SARM1: variants seen among roughly 807,000 people sequenced by gnomAD.
The protein encoded by SARM1 is sterile alpha and TIR motif containing 1.
In SARM1, 60 loss-of-function variants were observed where a neutral mutation model predicts 65.1. The observed-to-expected ratio is 0.92, with a 90% CI of 0.75 to 1.14. The LOEUF is 1.14. Among genes scored for constraint, SARM1 ranks in the 50% most tolerant of loss-of-function variants. The probability of loss-of-function intolerance (pLI) is 0.00; values close to 1 mark genes in which losing one functional copy is unlikely to be tolerated. For synonymous variants in SARM1, 417 were observed against 465.4 expected (o/e 0.90, Z 1.34); for missense variants, 913 against 1,015.7 (o/e 0.90, Z 1.37).
chr17:28,376,403 C>CAAAAAAA (rs58695374), intron 1 of SARM1, among the ~76,000 whole-genome samples: 18 of 84,000 alleles, frequency 2.1e-4, no homozygotes, highest in South Asian at 5.4e-4. Flanking sequence ...ACTAAAAATA[C>CAAAAAAA]AAAAAAAAAA....
chr17:28,388,596 G>A (rs2142434623), intron 7 of SARM1, 57 bp downstream of exon 7: 1 of 1,545,120 alleles, frequency 6.5e-7, no homozygotes, highest in East Asian at 2.2e-5. Context: ...CCAGAAGATA[G>A]GGTCGTCTTC....
At chr17:28,377,321 G>C (rs1175753126) in intron 1 of SARM1, among the ~76,000 whole-genome samples, 1 of 151,252 alleles carries the variant, frequency 6.6e-6, no homozygotes, top group Non-Finnish European at 1.5e-5. Flanking sequence ...CAGGTGAGGT[G>C]GTTCATGCCT....
intron 1 of SARM1, chr17:28,373,289 T>TGAAGACCTCCAAG (rs1466404842): frequency 6.6e-6 from 1 of 152,238 alleles, no homozygotes; most frequent in African/African-American, 2.4e-5. Context: ...TCCTGGAGTA[T>TGAAGACCTCCAAG]GAAGACCTCC....
intron 5 of SARM1, among the ~76,000 whole-genome samples, chr17:28,386,290 C>A (rs565759360): frequency 4.6e-5 from 7 of 152,122 alleles, no homozygotes; most frequent in Non-Finnish European, 8.8e-5. Flanking sequence ...GCCTAGGCAG[C>A]AGGAGTGAGA....
rs2068022977 is a variant in SARM1, at chr17:28,381,391, C to A, written c.659C>A (p.Pro220His). The change falls in exon 2 of 9, where the codon CCC becomes CAC. Residue 220 changes from proline to histidine, a missense_variant. Coordinates refer to ENST00000585482, the MANE Select transcript of SARM1 (RefSeq NM_015077.4). ...CTGTATTGGTGCCGCCGCACGGACC[C>A]CGCGCTGCTGCGCCACTGCGCGCTG... is the stretch of plus-strand genomic sequence containing the variant. ...AVLYWCRRTD[P>H]ALLRHCALAL... 1 of 1,557,164 alleles carries A rather than the reference C, an allele frequency of 6.4e-7. No homozygotes were observed. Among genetic ancestry groups the A allele is most frequent in the South Asian group, 1.2e-5 (1 of 84,540 alleles).
intron 7 of SARM1, among the ~76,000 whole-genome samples, chr17:28,393,452 G>A (rs1323494865): frequency 1.3e-5 from 2 of 152,046 alleles, no homozygotes; most frequent in African/African-American, 4.8e-5. Flanking sequence ...TTGGGAGGCT[G>A]AGGTGGGAGG....
intron 7 of SARM1, 74 bp from the exon 8 acceptor site, chr17:28,395,830 TC>T (rs1321958733): frequency 1.3e-6 from 2 of 1,585,740 alleles, no homozygotes; most frequent in African/African-American, 2.7e-5. Context: ...CCAGTGGGCC[TC>T]CCAGCACCTG....
intron 7 of SARM1, among the ~76,000 whole-genome samples, chr17:28,391,004 G>A (rs1476214658): frequency 6.6e-6 from 1 of 152,132 alleles, no homozygotes; most frequent in Non-Finnish European, 1.5e-5. Context: ...TGACTCCAAA[G>A]CTCATCACTT....
Position 28,402,101 on chromosome 17 carries a change from G to A in SARM1, c.*5815G>A. 1.5e-6 allele frequency: 1 copy of A among 682,110 alleles called. No individual in the cohort carries two copies. 42.3% of individuals were successfully genotyped at this position (682,110 alleles called of 1,614,324 possible). On this transcript the variant is annotated 3_prime_UTR_variant, in exon 9 of 9. Transcript: ENST00000585482. ...CCATTGTGGGCAATTTCACAGAAAT[G>A]TGTTTGTTTTGGCCACTTACTTCTC...
chr17:28,396,060 G>C, intron 8 of SARM1, 34 bp downstream of exon 8: 7 of 1,613,416 alleles, frequency 4.3e-6, no homozygotes, highest in Non-Finnish European at 5.9e-6. Flanking sequence ...AGGGGGGTAG[G>C]GTACAAATCA....
intron 1 of SARM1, among the ~76,000 whole-genome samples, chr17:28,374,462 G>C (rs1249013959): frequency 6.6e-6 from 1 of 151,652 alleles, no homozygotes; most frequent in African/African-American, 2.4e-5. Flanking sequence ...GCTGGAACTC[G>C]GCAGGCAGAG....
intron 1 of SARM1, 113 bp from the exon 2 acceptor site, chr17:28,381,090 C>A: frequency 2.3e-6 from 3 of 1,285,326 alleles, no homozygotes; most frequent in Non-Finnish European, 3.1e-6. Context: ...AATGCTCTCC[C>A]CTATATGAGG....
chr17:28,400,012 G>T lies in SARM1; in HGVS notation c.*3726G>T. On this transcript the variant is annotated 3_prime_UTR_variant, in exon 9 of 9. Coordinates refer to ENST00000585482, the MANE Select transcript of SARM1 (RefSeq NM_015077.4). ...GGGCTCAAGTGATCCTCCTGCCTCA[G>T]CCTCCTTAGTAGCTGGGACTACCAG... 2.5e-6 allele frequency: 1 copy of T among 396,296 alleles called. No homozygotes were observed. Among genetic ancestry groups the T allele is most frequent in the Non-Finnish European group, 4.7e-6 (1 of 212,424 alleles). The allele number at this position is 396,296 out of a possible 1,614,324, so 24.5% of individuals were successfully genotyped here.
rs2142431235 is a variant in SARM1, at chr17:28,384,674, T to C, written c.1302+105T>C. ...CAATCCCGCGGCGCCAGGGTCGCTTTTGGGGGCGGGGAGCCTGTACGCAGC... is the reference window on the plus strand; with the variant it reads ...CAATCCCGCGGCGCCAGGGTCGCTTCTGGGGGCGGGGAGCCTGTACGCAGC... On this transcript the variant is annotated intron_variant, in intron 3 of 8. Coordinates refer to ENST00000585482, the MANE Select transcript of SARM1 (RefSeq NM_015077.4). This position sits in a 1 kb window ranked among gnomAD's most constrained non-coding sequence, Gnocchi z 4.4. 1 of 1,334,922 alleles carries C rather than the reference T, an allele frequency of 7.5e-7. No individual in the cohort carries two copies. Among genetic ancestry groups the C allele is most frequent in the East Asian group, 2.5e-5 (1 of 39,618 alleles). 82.7% of individuals were successfully genotyped at this position (1,334,922 alleles called of 1,614,324 possible).
Position 28,372,029 on chromosome 17 carries a change from G to A in SARM1, c.-4G>A, listed in dbSNP as rs2142419901. 3 of 1,490,336 alleles carry A rather than the reference G, an allele frequency of 2.0e-6. No homozygotes were observed. The highest frequency in any genetic ancestry group is 8.9e-7 in the Non-Finnish European group (1 of 1,126,396). The allele number at this position is 1,490,336 out of a possible 1,614,324, so 92.3% of individuals were successfully genotyped here. On this transcript the variant is annotated 5_prime_UTR_variant, in exon 1 of 9. Transcript: ENST00000585482. This position sits in a 1 kb window ranked among gnomAD's most constrained non-coding sequence, Gnocchi z 5.2. The stretch of plus-strand genomic sequence containing the variant: ...CCGGGGATGTCCCCCGCGGCCCCGC[G>A]CCCATGGTCCTGACGCTGCTTCTCT...
chr17:28,373,270 TG>T (rs1193367023), intron 1 of SARM1: 11 of 152,224 alleles, frequency 7.2e-5, no homozygotes, highest in African/African-American at 2.7e-4. Context: ...GCATGTCTCT[TG>T]GGATCTCTCC....
At chr17:28,382,621 T>C (rs550960581) in intron 2 of SARM1, among the ~76,000 whole-genome samples, 106 of 152,350 alleles carry the variant, frequency 7.0e-4, no homozygotes, top group African/African-American at 2.4e-3. Context: ...TAGGCCTCTA[T>C]CTGGGCCTCA....
chr17:28,399,718 G>GAA lies in SARM1; in HGVS notation c.*3433_*3434insAA. The GAA allele has an allele frequency of 6.2e-7, 1 of 1,613,904 alleles. No homozygotes were observed. Among genetic ancestry groups the GAA allele is most frequent in the South Asian group, 1.1e-5 (1 of 91,062 alleles). ...GGATCAGCCTTTTCCAGCATCCTGTGAGAGACCAGAGAGAGAGTTTGGATT... is the reference window on the plus strand; with the variant it reads ...GGATCAGCCTTTTCCAGCATCCTGTGAAAGAGACCAGAGAGAGAGTTTGGATT... On this transcript the variant is annotated 3_prime_UTR_variant, in exon 9 of 9. Transcript: ENST00000585482.
chr17:28,372,197 G>A lies in SARM1; in HGVS notation c.165G>A (p.Pro55=), dbSNP rs2067961126. 7.3e-7 allele frequency: 1 copy of A among 1,367,016 alleles called. No individual in the cohort carries two copies. Among genetic ancestry groups the A allele is most frequent in the East Asian group, 3.1e-5 (1 of 32,550 alleles). The allele number at this position is 1,367,016 out of a possible 1,614,324, so 84.7% of individuals were successfully genotyped here. A position where few individuals can be genotyped will look rare whatever the true frequency, so the allele number is the denominator to read the frequency against. ...GCCGCGGGCCCCGCGAAGTGTCGCC[G>A]GGGGCAGGCACCGAGGTGCAGGACG... The part of the protein sequence containing the change: ...AGGRGPREVS[P]GAGTEVQDAL... The change falls in exon 1 of 9, where the codon CCG becomes CCA. Residue 55 remains proline, a synonymous_variant. Transcript: ENST00000585482. This position sits in a 1 kb window ranked among gnomAD's most constrained non-coding sequence, Gnocchi z 5.2.
Sources: allele counts gnomAD v4.1 joint callset (sites outside exome capture counted in the v4.1 genomes callset), GRCh38; gene constraint gnomAD v4.1.1; non-coding constraint Gnocchi (gnomAD v3.1); transcripts MANE v1.5; gene names NCBI Gene and HGNC (gene_info 2026-07-23, HGNC 2026-07-21).